RAE1: variants seen among roughly 807,000 people sequenced by gnomAD.
RAE1 encodes ribonucleic acid export 1, also known as mRNA export factor RAE1.
RAE1 carries 13 observed loss-of-function variants against 52.7 expected under a neutral mutation model. That is an observed-to-expected ratio of 0.25 (90% CI 0.16 to 0.39). The LOEUF is 0.39. Ranked by LOEUF, RAE1 falls within the 10% of genes least tolerant of loss-of-function variation. The probability of loss-of-function intolerance (pLI) is 1.00; values close to 1 mark genes in which losing one functional copy is unlikely to be tolerated. For synonymous variants in RAE1, 164 were observed against 153.1 expected, an observed-to-expected ratio of 1.07 and a Z score of -0.52; for missense variants, 262 against 459.8, an observed-to-expected ratio of 0.57 and a Z score of 3.93.
chr20:57,367,765 A>G (rs947808886), intron 7 of RAE1, among the ~76,000 whole-genome samples: 1 of 152,008 alleles, frequency 6.6e-6, no homozygotes, highest in African/African-American at 2.4e-5. Context: ...AAAGGAAAGA[A>G]AAAGAAATGG....
intron 4 of RAE1, among the ~76,000 whole-genome samples, chr20:57,361,971 G>A (rs776859176): frequency 2.6e-5 from 4 of 152,204 alleles, no homozygotes; most frequent in South Asian, 2.1e-4. Context: ...GATCAGCGGC[G>A]GCATTAGATT....
intron 4 of RAE1, 38 bp from the exon 5 acceptor site, chr20:57,365,318 T>A: frequency 6.7e-7 from 1 of 1,482,710 alleles, no homozygotes; most frequent in Non-Finnish European, 9.4e-7. Context: ...AAGATTTAAT[T>A]TTTCTTAAAA....
intron 11 of RAE1, among the ~76,000 whole-genome samples, chr20:57,377,509 G>A (rs902681199): frequency 1.3e-5 from 2 of 152,140 alleles, no homozygotes; most frequent in Non-Finnish European, 2.9e-5. Context: ...GTGTGGGCCC[G>A]GGCAGACGTG....
intron 1 of RAE1, among the ~76,000 whole-genome samples, chr20:57,353,695 A>G (rs982153089): frequency 2.0e-5 from 3 of 152,232 alleles, no homozygotes; most frequent in Non-Finnish European, 4.4e-5. Flanking sequence ...AAAATGAGTG[A>G]ATTTATTTTC....
rs1036146753 is a variant in RAE1 at position 57,361,895 on chromosome 20, A to T, written c.289-3461A>T. On this transcript the variant is annotated intron_variant, in intron 4 of 11. Transcript: ENST00000395841. Reference sequence around the variant, plus strand: ...ACAGGTCCATGGCCTGTTAGGAACTAAGCTGCACAGCAGGAGGTGAATGGT... The same window carrying T: ...ACAGGTCCATGGCCTGTTAGGAACTTAGCTGCACAGCAGGAGGTGAATGGT... Among the ~76,000 whole-genome samples, 8 of 152,342 alleles carry T rather than the reference A, an allele frequency of 5.3e-5. No homozygotes were observed. In the South Asian group the frequency reaches 1.2e-3, roughly 24 times the overall value.
chr20:57,357,464 T>C (rs1346308036), intron 4 of RAE1: 3 of 152,206 alleles, frequency 2.0e-5, no homozygotes, highest in Non-Finnish European at 4.4e-5. Flanking sequence ...AGGACAAGCA[T>C]TGAGATATAG....
intron 8 of RAE1, chr20:57,372,685 A>G (rs1271693833): frequency 6.6e-6 from 1 of 152,286 alleles, no homozygotes; most frequent in Non-Finnish European, 1.5e-5. Flanking sequence ...GTGCATCACC[A>G]GCAGCTGTCA....
chr20:57,351,724 C>T, intron 1 of RAE1: 1 of 985,474 alleles, frequency 1.0e-6, no homozygotes, highest in Non-Finnish European at 1.2e-6. Context: ...TCGTCAGATA[C>T]ATGTCAGCTC....
intron 3 of RAE1, 41 bp from the exon 4 acceptor site, chr20:57,356,405 C>T (rs766466247): frequency 3.3e-6 from 5 of 1,497,542 alleles, no homozygotes; most frequent in Admixed American, 1.8e-5. Flanking sequence ...AGCAATACAT[C>T]GTAATTGCTT....
Position 57,351,673 on chromosome 20 carries a change from T to C in RAE1, c.-8+251T>C, listed in dbSNP as rs946369530. The C allele has an allele frequency of 3.0e-6, 3 of 985,352 alleles. No individual in the cohort carries two copies. In the African/African-American group the frequency reaches 5.2e-5, roughly 17 times the overall value. 61.0% of individuals were successfully genotyped at this position (985,352 alleles called of 1,614,324 possible). ...GAAGGGTCACATTGCGTTAATGCAG[T>C]GTGTGTCGCCTCTGTCCCTCCCCCT... On this transcript the variant is annotated intron_variant, in intron 1 of 11. Coordinates refer to ENST00000395841, the MANE Select transcript of RAE1 (RefSeq NM_003610.4).
chr20:57,374,384 C>T (rs2067080838), intron 10 of RAE1, among the ~76,000 whole-genome samples: 1 of 152,196 alleles, frequency 6.6e-6, no homozygotes, highest in Admixed American at 6.5e-5. Context: ...TGTCCACATG[C>T]TCACTTTCTC....
chr20:57,373,764 G>A, intron 10 of RAE1, 26 bp downstream of exon 10: 2 of 1,600,082 alleles, frequency 1.2e-6, no homozygotes, highest in Non-Finnish European at 1.7e-6. Context: ...CTTTAACCGT[G>A]GTAATACATC....
chr20:57,355,597 C>CATT (rs1328807129), intron 3 of RAE1, among the ~76,000 whole-genome samples: 1 of 152,174 alleles, frequency 6.6e-6, no homozygotes, highest in Non-Finnish European at 1.5e-5. Context: ...ACTTCATCTG[C>CATT]ATTATCTAAA....
intron 5 of RAE1, 40 bp from the exon 6 acceptor site, chr20:57,366,767 A>T: frequency 6.5e-7 from 1 of 1,533,940 alleles, no homozygotes; most frequent in Non-Finnish European, 9.0e-7. Flanking sequence ...GCACATTCTT[A>T]CATTTACCTT....
intron 10 of RAE1, among the ~76,000 whole-genome samples, chr20:57,374,127 G>T (rs556231489): frequency 1.3e-5 from 2 of 152,278 alleles, no homozygotes; most frequent in East Asian, 1.9e-4. Flanking sequence ...TGATTTGCCC[G>T]CCTCGGCCTC....
At chr20:57,356,370 C>T in intron 3 of RAE1, 76 bp from the exon 4 acceptor site, 1 of 1,120,746 alleles carries the variant, frequency 8.9e-7, no homozygotes, top group Non-Finnish European at 1.3e-6. Flanking sequence ...AGGTGTACCC[C>T]ATTAGTTTTT....
At chr20:57,352,777 G>C (rs546331645) in intron 1 of RAE1, among the ~76,000 whole-genome samples, 2 of 152,194 alleles carry the variant, frequency 1.3e-5, no homozygotes, top group African/African-American at 4.8e-5. Context: ...TTTTACAGAT[G>C]AGAAAATCAA....
At chr20:57,367,512 G>A (rs1056616033) in intron 7 of RAE1, among the ~76,000 whole-genome samples, 12 of 152,034 alleles carry the variant, frequency 7.9e-5, no homozygotes, top group African/African-American at 1.9e-4. Flanking sequence ...GGAGGCAAAG[G>A]TGGGTGGATT....
At chr20:57,374,396 G>A (rs950131084) in intron 10 of RAE1, among the ~76,000 whole-genome samples, 9 of 152,302 alleles carry the variant, frequency 5.9e-5, no homozygotes, top group African/African-American at 2.2e-4. Flanking sequence ...CACTTTCTCT[G>A]GTGTGCAGCC....
Sources: allele counts gnomAD v4.1 joint callset (sites outside exome capture counted in the v4.1 genomes callset), GRCh38; gene constraint gnomAD v4.1.1; transcripts MANE v1.5; gene names NCBI Gene and HGNC (gene_info 2026-07-23, HGNC 2026-07-21).